The following UNC5C variants were observed in gnomAD, a reference collection of about 807,000 sequenced individuals.
UNC5C encodes the protein unc-5 netrin receptor C.
Under a neutral mutation model 99.8 loss-of-function variants are expected in UNC5C, and 47 were observed. The ratio of observed to expected loss-of-function variants is 0.47; its 90% CI spans 0.37 to 0.60. The LOEUF (loss-of-function observed/expected upper bound fraction) is 0.60, where lower values mean the gene tolerates loss of function less well. UNC5C is among the 20% of genes least tolerant of loss of function. The pLI, the probability that UNC5C is intolerant of heterozygous loss-of-function variation, is 0.00. For synonymous variants in UNC5C, 487 were observed against 452.2 expected, an observed-to-expected ratio of 1.08 and a Z score of -0.98; for missense variants, 1,062 against 1,165.9, an observed-to-expected ratio of 0.91 and a Z score of 1.30.
rs774554308 is a variant in UNC5C, at chr4:95,548,904, C to T, written c.-47G>A. On this transcript the variant is annotated 5_prime_UTR_variant, in exon 1 of 16. Transcript: ENST00000453304. The stretch of plus-strand genomic sequence containing the variant: ...GGGAGGGGAGGGGGACAGAGAGACG[C>T]GCAAACAGCTGAAAGCCCCACTGGG... The T allele has an allele frequency of 1.9e-6, 3 of 1,606,808 alleles. No individual in the cohort carries two copies. The highest frequency in any genetic ancestry group is 2.5e-6 in the Non-Finnish European group (3 of 1,176,924).
chr4:95,434,475 A>G (rs1285228584), intron 1 of UNC5C, among the ~76,000 whole-genome samples: 1 of 152,050 alleles, frequency 6.6e-6, no homozygotes, highest in Admixed American at 6.6e-5. Context: ...GGAAAGGAAA[A>G]GACGGACTTG....
chr4:95,524,936 G>A (rs1301399488), intron 1 of UNC5C, among the ~76,000 whole-genome samples: 1 of 152,168 alleles, frequency 6.6e-6, no homozygotes, highest in Non-Finnish European at 1.5e-5. Context: ...GGTAGGTCAA[G>A]TTTCTGAACA....
chr4:95,430,913 C>A (rs1442847643), intron 1 of UNC5C, among the ~76,000 whole-genome samples: 2 of 152,050 alleles, frequency 1.3e-5, no homozygotes, highest in Non-Finnish European at 2.9e-5. Context: ...TTGAACATGG[C>A]TTTGAGGAAT....
At chr4:95,278,175 T>C in intron 4 of UNC5C, 84 bp downstream of exon 4, 1 of 1,128,228 alleles carries the variant, frequency 8.9e-7, no homozygotes, top group South Asian at 1.3e-5. Context: ...ATACCCTAAT[T>C]CACTGCACCA....
At chr4:95,278,085 A>T (rs1048274665) in intron 4 of UNC5C, among the ~76,000 whole-genome samples, 174 bp downstream of exon 4, 4 of 152,226 alleles carry the variant, frequency 2.6e-5, no homozygotes, top group African/African-American at 9.6e-5. Context: ...ATTGACTCCC[A>T]AGTCATTAAT....
intron 4 of UNC5C, among the ~76,000 whole-genome samples, chr4:95,253,460 G>A (rs759357427): frequency 5.9e-5 from 9 of 152,136 alleles, no homozygotes; most frequent in African/African-American, 9.7e-5. Context: ...TGCCTTGGGT[G>A]TCTCTTGCCT....
intron 2 of UNC5C, among the ~76,000 whole-genome samples, chr4:95,308,624 G>T (rs1380492988): frequency 1.3e-5 from 2 of 151,112 alleles, no homozygotes; most frequent in Non-Finnish European, 3.0e-5. Context: ...ATGGTGGCAG[G>T]CCCCTGTAAT....
chr4:95,220,447 T>C (rs893047542), intron 7 of UNC5C, among the ~76,000 whole-genome samples: 1 of 152,156 alleles, frequency 6.6e-6, no homozygotes, highest in African/African-American at 2.4e-5. Flanking sequence ...ATAAAGAAAC[T>C]GGAACTAAAA....
intron 1 of UNC5C, among the ~76,000 whole-genome samples, chr4:95,393,288 A>G (rs1430153266): frequency 6.6e-6 from 1 of 152,210 alleles, no homozygotes; most frequent in Admixed American, 6.5e-5. Context: ...GGGATTAAAC[A>G]CAAAGTGTTG....
intron 3 of UNC5C, among the ~76,000 whole-genome samples, chr4:95,290,871 G>A (rs1032630518): frequency 6.6e-6 from 1 of 152,112 alleles, no homozygotes; most frequent in South Asian, 2.1e-4. Context: ...CAGGAAGAGC[G>A]GTTAGAATGA....
intron 9 of UNC5C, 97 bp from the exon 10 acceptor site, chr4:95,216,308 A>C: frequency 1.1e-6 from 1 of 870,470 alleles, no homozygotes. Flanking sequence ...AGCCTGCTTC[A>C]TTTTCTCTAA....
intron 1 of UNC5C, among the ~76,000 whole-genome samples, chr4:95,523,491 G>A (rs1457104688): frequency 6.6e-6 from 1 of 152,158 alleles, no homozygotes. Flanking sequence ...AGTTATGACT[G>A]TAGTTGGAAT....
chr4:95,288,948 T>C (rs1354115107), intron 3 of UNC5C, among the ~76,000 whole-genome samples: 1 of 152,202 alleles, frequency 6.6e-6, no homozygotes, highest in African/African-American at 2.4e-5. Flanking sequence ...ACCTGATGCC[T>C]TTGGGGGTCA....
intron 1 of UNC5C, among the ~76,000 whole-genome samples, chr4:95,415,596 A>G (rs1222395500): frequency 6.6e-6 from 1 of 152,176 alleles, no homozygotes; most frequent in African/African-American, 2.4e-5. Flanking sequence ...CACACTATTC[A>G]TAAGGTCAAC....
At position 95,355,803 on chromosome 4, in the gene UNC5C, C is replaced by T. The variant is rs139297862; in HGVS notation, c.125-20172G>A. ...GATGAATACATAGAGATTCCTAAAA[C>T]TATGTTTCCCCCAATTTTTAAAAAT... On this transcript the variant is annotated intron_variant, in intron 1 of 15. Transcript: ENST00000453304. Among the ~76,000 whole-genome samples the T allele has an allele frequency of 3.3e-3, 496 of 152,168 alleles. 3 individuals carry two copies. The highest frequency in any genetic ancestry group is 0.012 in the African/African-American group (481 of 41,530).
intron 2 of UNC5C, among the ~76,000 whole-genome samples, chr4:95,305,616 T>A (rs1329860673): frequency 6.6e-6 from 1 of 152,220 alleles, no homozygotes; most frequent in Non-Finnish European, 1.5e-5. Flanking sequence ...TCACATCTGA[T>A]AACATCAAAG....
chr4:95,474,380 T>G (rs1281411582), intron 1 of UNC5C, among the ~76,000 whole-genome samples: 2 of 152,156 alleles, frequency 1.3e-5, no homozygotes, highest in Non-Finnish European at 2.9e-5. Context: ...AACCTCCACC[T>G]CCTGGGTTCA....
At chr4:95,311,898 T>C (rs1742290211) in intron 2 of UNC5C, among the ~76,000 whole-genome samples, 1 of 151,924 alleles carries the variant, frequency 6.6e-6, no homozygotes, top group Admixed American at 6.6e-5. Context: ...AATCAGAAAA[T>C]TAGCTAGGCA....
At chr4:95,323,654 A>G (rs1742780691) in intron 2 of UNC5C, among the ~76,000 whole-genome samples, 1 of 152,180 alleles carries the variant, frequency 6.6e-6, no homozygotes, top group South Asian at 2.1e-4. Flanking sequence ...TGTGAGCAGC[A>G]TTTCCTAAAT....
Sources: allele counts gnomAD v4.1 joint callset (sites outside exome capture counted in the v4.1 genomes callset), GRCh38; gene constraint gnomAD v4.1.1; transcripts MANE v1.5; gene names NCBI Gene and HGNC (gene_info 2026-07-23, HGNC 2026-07-21).